The following ITGBL1 variants were observed in gnomAD, a reference collection of about 807,000 sequenced individuals.
ITGBL1 encodes the protein integrin subunit beta like 1.
In ITGBL1, 51 loss-of-function variants were observed where a neutral mutation model predicts 68.5. That is an observed-to-expected ratio of 0.74 (90% CI 0.59 to 0.94). The LOEUF is 0.94. Ranked by LOEUF, ITGBL1 falls within the 40% of genes least tolerant of loss-of-function variation. The pLI, the probability that ITGBL1 is intolerant of heterozygous loss-of-function variation, is 0.00. For synonymous variants in ITGBL1, 209 were observed against 227.3 expected (o/e 0.92, Z 0.72); for missense variants, 649 against 647.4 (o/e 1.00, Z -0.03).
At chr13:101,663,199 T>TG (rs2033131397) in intron 7 of ITGBL1, among the ~76,000 whole-genome samples, 1 of 152,148 alleles carries the variant, frequency 6.6e-6, no homozygotes, top group African/African-American at 2.4e-5. Flanking sequence ...TAAATGTCTT[T>TG]GGGAAAAAAT....
chr13:101,616,919 A>G lies in ITGBL1; in HGVS notation c.1015+18620A>G, dbSNP rs571309481. Among the ~76,000 whole-genome samples, 25 of 152,308 alleles carry G rather than the reference A, an allele frequency of 1.6e-4. No individual in the cohort carries two copies. The South Asian group carries it at 5.2e-3, about 32-fold the overall frequency. ...CCTGGAATTCATGCAACCCCAGAGG[A>G]TGGTTAGGTATCAGACAATGAGAAC... On this transcript the variant is annotated intron_variant, in intron 7 of 10. Coordinates refer to ENST00000376180, the MANE Select transcript of ITGBL1 (RefSeq NM_004791.3).
At position 101,510,625 on chromosome 13, in the gene ITGBL1, A is replaced by C. The variant is rs1268626592; in HGVS notation, c.316+56525A>C. Among the ~76,000 whole-genome samples, 4 of 152,032 alleles carry C rather than the reference A, an allele frequency of 2.6e-5. No homozygotes were observed. The East Asian group carries it at 7.7e-4, about 29-fold the overall frequency. On this transcript the variant is annotated intron_variant, in intron 2 of 10. Transcript: ENST00000376180. ...TTTACATTCCCACGAACAGTGTACGAGTTCTCTTTTTCCTGCCAGCCTTGC... is the reference window on the plus strand; with the variant it reads ...TTTACATTCCCACGAACAGTGTACGCGTTCTCTTTTTCCTGCCAGCCTTGC...
chr13:101,620,298 T>C (rs2031533458), intron 7 of ITGBL1, among the ~76,000 whole-genome samples: 2 of 152,164 alleles, frequency 1.3e-5, no homozygotes, highest in African/African-American at 4.8e-5. Flanking sequence ...TTAAGGTGAA[T>C]ACTAACTTAG....
At chr13:101,471,502 A>C (rs1417115169) in intron 2 of ITGBL1, among the ~76,000 whole-genome samples, 1 of 138,518 alleles carries the variant, frequency 7.2e-6, no homozygotes, top group Admixed American at 7.8e-5. Flanking sequence ...AAGGCAACAC[A>C]AATATATATG....
At chr13:101,463,883 T>C (rs1314866496) in intron 2 of ITGBL1, among the ~76,000 whole-genome samples, 1 of 151,296 alleles carries the variant, frequency 6.6e-6, no homozygotes, top group Admixed American at 6.6e-5. Context: ...CTACTGAAGA[T>C]TGAATAGGAG....
At chr13:101,633,896 T>A (rs9582512) in intron 7 of ITGBL1, among the ~76,000 whole-genome samples, 2 of 152,054 alleles carry the variant, frequency 1.3e-5, no homozygotes, top group Admixed American at 1.3e-4. Flanking sequence ...TCTCAAATCA[T>A]AGGGGAGAAA....
At chr13:101,491,372 CA>C (rs2139061034) in intron 2 of ITGBL1, among the ~76,000 whole-genome samples, 1 of 152,248 alleles carries the variant, frequency 6.6e-6, no homozygotes, top group South Asian at 2.1e-4. Context: ...CTACTTTGAA[CA>C]TTTTTTATCA....
At chr13:101,666,524 G>A (rs940642981) in intron 7 of ITGBL1, among the ~76,000 whole-genome samples, 9 of 147,790 alleles carry the variant, frequency 6.1e-5, no homozygotes, top group African/African-American at 1.0e-4. Context: ...TTTTTTTCTC[G>A]TGAATTCACT....
intron 9 of ITGBL1, among the ~76,000 whole-genome samples, chr13:101,707,335 C>T (rs1203968116): frequency 6.6e-6 from 1 of 151,978 alleles, no homozygotes; most frequent in Middle Eastern, 3.2e-3. Flanking sequence ...ACTTCTGGGG[C>T]TAAATTATTT....
At chr13:101,660,470 A>G (rs1037483955) in intron 7 of ITGBL1, among the ~76,000 whole-genome samples, 2 of 152,200 alleles carry the variant, frequency 1.3e-5, no homozygotes, top group African/African-American at 4.8e-5. Context: ...GTTCTACAAT[A>G]GCAATGATAT....
At chr13:101,522,852 C>T (rs1016864862) in intron 2 of ITGBL1, among the ~76,000 whole-genome samples, 17 of 152,054 alleles carry the variant, frequency 1.1e-4, no homozygotes, top group African/African-American at 3.9e-4. Flanking sequence ...AAAGAGCAAG[C>T]GCAGAGAGTA....
intron 2 of ITGBL1, among the ~76,000 whole-genome samples, chr13:101,514,300 T>C (rs1173447788): frequency 6.6e-6 from 1 of 152,138 alleles, no homozygotes; most frequent in East Asian, 1.9e-4. Flanking sequence ...TTAACATCTG[T>C]TAAAAATTTG....
chr13:101,587,840 TA>T (rs981870292), intron 6 of ITGBL1, among the ~76,000 whole-genome samples: 1 of 152,092 alleles, frequency 6.6e-6, no homozygotes, highest in African/African-American at 2.4e-5. Context: ...ATATTGAATT[TA>T]AAAAAAATAG....
At chr13:101,547,322 C>T (rs2049843231) in intron 2 of ITGBL1, among the ~76,000 whole-genome samples, 1 of 151,832 alleles carries the variant, frequency 6.6e-6, no homozygotes, top group South Asian at 2.1e-4. Context: ...TGATTATTTT[C>T]TAATTTATTA....
chr13:101,680,690 C>G (rs1253638749), intron 7 of ITGBL1, among the ~76,000 whole-genome samples: 1 of 152,120 alleles, frequency 6.6e-6, no homozygotes, highest in Non-Finnish European at 1.5e-5. Context: ...AAGCCCTGTA[C>G]TGTGTAGTTT....
chr13:101,614,118 C>A (rs1471802653), intron 7 of ITGBL1, among the ~76,000 whole-genome samples: 1 of 151,990 alleles, frequency 6.6e-6, no homozygotes, highest in Non-Finnish European at 1.5e-5. Context: ...GAACAATGAA[C>A]CACCTTAGGC....
intron 7 of ITGBL1, among the ~76,000 whole-genome samples, chr13:101,660,294 G>A (rs2033049780): frequency 1.3e-5 from 2 of 152,140 alleles, no homozygotes; most frequent in African/African-American, 4.8e-5. Context: ...GTGCTGATTG[G>A]TTGGGTCAGA....
chr13:101,579,393 C>T lies in ITGBL1; in HGVS notation c.693C>T (p.Cys231=). Residue 231 remains cysteine (C), a synonymous_variant, in exon 5 of 11, where the codon TGC becomes TGT. Transcript: ENST00000376180. ...DITPWESKRR[C]TSPDGKICSN... Reference sequence around the variant, plus strand: ...CCCCCTGGGAAAGCAAGCGAAGATGCACGTCTCCAGATGGCAAAATCTGCA... The same window carrying T: ...CCCCCTGGGAAAGCAAGCGAAGATGTACGTCTCCAGATGGCAAAATCTGCA... 5 of 1,613,790 alleles carry T rather than the reference C, an allele frequency of 3.1e-6. No individual in the cohort carries two copies. Among genetic ancestry groups the T allele is most frequent in the Non-Finnish European group, 4.2e-6 (5 of 1,179,854 alleles).
intron 7 of ITGBL1, among the ~76,000 whole-genome samples, chr13:101,642,701 A>G (rs529606447): frequency 0.014 from 2,087 of 150,040 alleles, 43 homozygotes; most frequent in African/African-American, 0.037. Context: ...TTTTAGGTCT[A>G]ACGTTTAAGT....
Sources: allele counts gnomAD v4.1 joint callset (sites outside exome capture counted in the v4.1 genomes callset), GRCh38; gene constraint gnomAD v4.1.1; transcripts MANE v1.5; gene names NCBI Gene and HGNC (gene_info 2026-07-23, HGNC 2026-07-21).